Variants in PPP1R21 observed in about 807,000 individuals in gnomAD.
PPP1R21 encodes the protein KLRAQ motif containing 1.
Under a neutral mutation model 112.8 loss-of-function variants are expected in PPP1R21, and 85 were observed. That is an observed-to-expected ratio of 0.75 (90% confidence interval 0.63 to 0.90). The LOEUF is 0.90. PPP1R21 is among the 40% of genes least tolerant of loss of function. The pLI, the probability that PPP1R21 is intolerant of heterozygous loss-of-function variation, is 0.00. For missense variants in PPP1R21, 1,199 were observed against 901.5 expected (o/e 1.33, Z -4.23); for synonymous variants, 381 against 322.3 (o/e 1.18, Z -1.95).
chr2:48,498,458 A>T, intron 16 of PPP1R21, 35 bp from the exon 17 acceptor site: 1 of 1,609,996 alleles, frequency 6.2e-7, no homozygotes, highest in Non-Finnish European at 8.5e-7. Flanking sequence ...TATCTGTATT[A>T]GTCTCTAAGA....
At chr2:48,473,199 A>T (rs1668601805) in intron 11 of PPP1R21, among the ~76,000 whole-genome samples, 1 of 151,984 alleles carries the variant, frequency 6.6e-6, no homozygotes, top group African/African-American at 2.4e-5. Context: ...ATATGATAGG[A>T]TATTAGGAAA....
chr2:48,459,906 G>A lies in PPP1R21; in HGVS notation c.528G>A (p.Lys176=). 1.2e-6 allele frequency: 2 copies of A among 1,613,676 alleles called. No homozygotes were observed. The highest frequency in any genetic ancestry group is 1.7e-6 in the Non-Finnish European group (2 of 1,179,872). ...METIEKLQND[K]AKLEVKSQTL... is the part of the protein sequence containing the mutation. ...CCATTGAGAAGCTGCAGAACGACAA[G>A]GCTAAACTAGAAGTAAGCCCCATTG... The change falls in exon 5 of 22, where the codon AAG becomes AAA. Residue 176 remains lysine (K), a synonymous_variant. Coordinates refer to ENST00000294952, the MANE Select transcript of PPP1R21 (RefSeq NM_001135629.3).
chr2:48,469,008 G>A (rs1441034225), intron 9 of PPP1R21, among the ~76,000 whole-genome samples: 2 of 151,856 alleles, frequency 1.3e-5, no homozygotes, highest in Admixed American at 1.3e-4. Context: ...AATCATCGCG[G>A]GAGGCAAAAG....
rs2103849914 is a variant in PPP1R21 at position 48,471,185 on chromosome 2, C to G, written c.996C>G (p.Val332=). 3.1e-6 allele frequency: 5 copies of G among 1,609,044 alleles called. No homozygotes were observed. Among genetic ancestry groups the G allele is most frequent in the East Asian group, 2.2e-5 (1 of 44,746 alleles). Residue 332 remains valine (V), a synonymous_variant, in exon 10 of 22, where the codon GTC becomes GTG. Coordinates refer to ENST00000294952, the MANE Select transcript of PPP1R21 (RefSeq NM_001135629.3). The part of the protein sequence containing the change: ...FESITEDTVT[V]LETTVKLKTF... ...GTATCACTGAGGATACTGTGACTGT[C>G]TTGGTAATTTTCTTCCTTGTTTTAC...
rs548367371 is a variant in PPP1R21, at chr2:48,495,623, C to T, written c.1600-56C>T. ...TAGCATTCTTTGTGTATGTTGGATG[C>T]AGGGGAGGGGTGATACAATATTTTT... On this transcript the variant is annotated intron_variant, in intron 15 of 21. Coordinates refer to ENST00000294952, the MANE Select transcript of PPP1R21 (RefSeq NM_001135629.3). 8.8e-4 allele frequency: 794 copies of T among 906,928 alleles called. 1 individual carries two copies. Among genetic ancestry groups the T allele is most frequent in the Middle Eastern group, 2.0e-3 (9 of 4,434 alleles). The allele number at this position is 906,928 out of a possible 1,614,324, so 56.2% of individuals were successfully genotyped here. A position where few individuals can be genotyped will look rare whatever the true frequency, so the allele number is the denominator to read the frequency against.
chr2:48,454,833 G>A (rs1173409895), intron 3 of PPP1R21, 92 bp downstream of exon 3: 10 of 968,068 alleles, frequency 1.0e-5, no homozygotes, highest in African/African-American at 1.6e-5. Flanking sequence ...CCCCACTGCC[G>A]AATTATTTTT....
At chr2:48,468,548 C>G (rs1668306307) in intron 9 of PPP1R21, among the ~76,000 whole-genome samples, 1 of 152,152 alleles carries the variant, frequency 6.6e-6, no homozygotes, top group Admixed American at 6.5e-5. Flanking sequence ...CACAGTAGCT[C>G]ACACCTGTAA....
chr2:48,455,044 C>G (rs1330502636), intron 3 of PPP1R21, among the ~76,000 whole-genome samples: 1 of 151,992 alleles, frequency 6.6e-6, no homozygotes, highest in East Asian at 1.9e-4. Flanking sequence ...CACTATGTTG[C>G]CCAGGCTGGC....
At chr2:48,450,334 C>A (rs1279648207) in intron 1 of PPP1R21, among the ~76,000 whole-genome samples, 1 of 152,188 alleles carries the variant, frequency 6.6e-6, no homozygotes, top group Admixed American at 6.5e-5. Flanking sequence ...GTACCCACTT[C>A]ACAGGATTGT....
rs1303272731 is a variant in PPP1R21, at chr2:48,486,721, T to C, written c.1409T>C (p.Leu470Pro). 2 of 1,613,602 alleles carry C rather than the reference T, an allele frequency of 1.2e-6. No individual in the cohort carries two copies. Among genetic ancestry groups the C allele is most frequent in the Non-Finnish European group, 1.7e-6 (2 of 1,179,652 alleles). Residue 470 changes from leucine to proline, a missense_variant, in exon 14 of 22, where the codon CTG (leucine) becomes CCG (proline). Leu to Pro is a moderately conservative substitution (Grantham distance 98, BLOSUM62 -3). Transcript: ENST00000294952. Reference protein sequence around the residue: ...QKLITTNDCILSSVVALTNGA... With the variant: ...QKLITTNDCIPSSVVALTNGA... Reference sequence around the variant, plus strand: ...CTGATAACAACTAATGACTGTATCCTGTCATCAGTAGTGGCATTAACAAAT... The same window carrying C: ...CTGATAACAACTAATGACTGTATCCCGTCATCAGTAGTGGCATTAACAAAT...
Position 48,491,272 on chromosome 2 carries a change from C to T in PPP1R21, c.1599+102C>T, listed in dbSNP as rs141438090. 1,533 of 1,290,926 alleles carry T rather than the reference C, an allele frequency of 1.2e-3. 4 individuals carry two copies. The highest frequency in any genetic ancestry group is 1.7e-3 in the Admixed American group (72 of 41,644). 80.0% of individuals were successfully genotyped at this position (1,290,926 alleles called of 1,614,324 possible). ...CAGTTTATATTGTTGACTTTTTATA[C>T]GATATTGGGGTACAGGTTGTTGGTG... On this transcript the variant is annotated intron_variant, in intron 15 of 21. Transcript: ENST00000294952.
intron 1 of PPP1R21, chr2:48,441,234 T>C: frequency 1.7e-6 from 1 of 585,876 alleles, no homozygotes; most frequent in Non-Finnish European, 3.1e-6. Context: ...AGGGAGAAGC[T>C]GGAGTTTGAT....
intron 14 of PPP1R21, among the ~76,000 whole-genome samples, chr2:48,488,155 C>T (rs1300419814): frequency 6.6e-6 from 1 of 152,108 alleles, no homozygotes; most frequent in African/African-American, 2.4e-5. Flanking sequence ...AGCTTGGGGT[C>T]ATGATTAAAA....
chr2:48,449,454 T>C (rs963844513), intron 1 of PPP1R21, among the ~76,000 whole-genome samples: 1 of 152,180 alleles, frequency 6.6e-6, no homozygotes, highest in Admixed American at 6.5e-5. Flanking sequence ...AGAGCAAATA[T>C]TTGGGTCTGC....
chr2:48,499,222 C>G (rs1341842225), intron 17 of PPP1R21, among the ~76,000 whole-genome samples: 2 of 152,112 alleles, frequency 1.3e-5, no homozygotes, highest in African/African-American at 4.8e-5. Context: ...TAGAAGAATG[C>G]TGGTTAGTAA....
chr2:48,495,943 T>G, intron 16 of PPP1R21, 172 bp downstream of exon 16: 1 of 560,888 alleles, frequency 1.8e-6, no homozygotes, highest in South Asian at 2.3e-5. Context: ...GAAAAACATG[T>G]GTTGACACTC....
At chr2:48,511,585 G>C in intron 21 of PPP1R21, 117 bp downstream of exon 21, 1 of 1,282,890 alleles carries the variant, frequency 7.8e-7, no homozygotes, top group Non-Finnish European at 1.1e-6. Flanking sequence ...GTAAGGGCCA[G>C]GGGCAGTGGC....
At position 48,497,789 on chromosome 2, in the gene PPP1R21, C is replaced by T. The variant is rs933176562; in HGVS notation, c.1693-704C>T. Among the ~76,000 whole-genome samples, 5 of 151,920 alleles carry T rather than the reference C, an allele frequency of 3.3e-5. No homozygotes were observed. The East Asian group carries it at 7.8e-4, about 24-fold the overall frequency. On this transcript the variant is annotated intron_variant, in intron 16 of 21. Transcript: ENST00000294952. ...GCCTCAGCCTCCCGAGTAGCTGGGA[C>T]TACAGGCGCCCGCCGCCACACCTGG...
At chr2:48,493,984 T>A (rs1287022760) in intron 15 of PPP1R21, among the ~76,000 whole-genome samples, 1 of 143,922 alleles carries the variant, frequency 6.9e-6, no homozygotes, top group Non-Finnish European at 1.5e-5. Flanking sequence ...CACTTTGGGA[T>A]GCCAGGGTGG....
Sources: gnomAD v4.1 joint callset for allele counts (sites outside exome capture counted in the v4.1 genomes callset) on GRCh38, gnomAD v4.1.1 for gene constraint, MANE v1.5 for transcripts, NCBI Gene and HGNC (gene_info 2026-07-23, HGNC 2026-07-21) for gene names.